PAK1: variants seen among roughly 807,000 people sequenced by gnomAD.
PAK1 encodes the protein p21 (RAC1) activated kinase 1, also known as serine/threonine-protein kinase PAK 1.
In PAK1, 29 loss-of-function variants were observed where a neutral mutation model predicts 67.4. The observed-to-expected ratio is 0.43, with a 90% confidence interval of 0.32 to 0.59. The LOEUF is 0.59. Among genes scored for constraint, PAK1 ranks in the 20% least tolerant of loss-of-function variants. The pLI, the probability that PAK1 is intolerant of heterozygous loss-of-function variation, is 0.07. For synonymous variants in PAK1, 223 were observed against 237.4 expected, an observed-to-expected ratio of 0.94 and a Z score of 0.56; for missense variants, 337 against 670.7, an observed-to-expected ratio of 0.50 and a Z score of 5.50.
At chr11:77,396,538 G>A (rs1259567053) in intron 1 of PAK1, among the ~76,000 whole-genome samples, 1 of 152,154 alleles carries the variant, frequency 6.6e-6, no homozygotes, top group Non-Finnish European at 1.5e-5. Context: ...AATCAATAAA[G>A]ATTTGTTGAA....
chr11:77,438,323 C>T (rs913944972), intron 1 of PAK1, among the ~76,000 whole-genome samples: 2 of 152,130 alleles, frequency 1.3e-5, no homozygotes, highest in African/African-American at 4.8e-5. Flanking sequence ...AGTGCTAAAC[C>T]ATTCATGAGA....
At chr11:77,460,696 A>C (rs974792957) in intron 1 of PAK1, among the ~76,000 whole-genome samples, 3 of 152,176 alleles carry the variant, frequency 2.0e-5, no homozygotes, top group African/African-American at 7.2e-5. Flanking sequence ...AACAATCTAA[A>C]AACATGTGGA....
At chr11:77,399,058 C>A (rs1952231677) in intron 1 of PAK1, among the ~76,000 whole-genome samples, 4 of 152,194 alleles carry the variant, frequency 2.6e-5, no homozygotes, top group Admixed American at 2.0e-4. Flanking sequence ...CCTTTTGCTG[C>A]AGTTGCAGGC....
intron 9 of PAK1, 35 bp downstream of exon 9, chr11:77,349,204 A>T (rs1944885705): frequency 6.7e-7 from 1 of 1,496,142 alleles, no homozygotes; most frequent in African/African-American, 1.4e-5. Flanking sequence ...AAAGAAACAG[A>T]ACTAAAGGAG....
the PAK1 span, among the ~76,000 whole-genome samples, chr11:77,522,725 T>C: frequency 1.3e-5 from 2 of 152,208 alleles, no homozygotes; most frequent in Non-Finnish European, 2.9e-5. Flanking sequence ...ACTGGACATA[T>C]ATCCAAAGGA....
At chr11:77,373,562 T>TAAAAA (rs34413403) in intron 5 of PAK1, among the ~76,000 whole-genome samples, 1 of 120,774 alleles carries the variant, frequency 8.3e-6, no homozygotes. Flanking sequence ...CTCGTCTCTT[T>TAAAAA]AAAAAAAAAA....
upstream of PAK1, among the ~76,000 whole-genome samples, chr11:77,477,885 T>C (rs1377203066): frequency 1.3e-5 from 2 of 152,176 alleles, no homozygotes; most frequent in Non-Finnish European, 2.9e-5. Flanking sequence ...ATCATGCCAC[T>C]GCACTCCAGC....
the PAK1 span, among the ~76,000 whole-genome samples, chr11:77,518,577 G>C: frequency 6.6e-6 from 1 of 152,094 alleles, no homozygotes; most frequent in African/African-American, 2.4e-5. Flanking sequence ...GATTTGCTGA[G>C]GTGCCACCTC....
intron 4 of PAK1, 76 bp from the exon 5 acceptor site, chr11:77,374,441 A>G (rs1471084428): frequency 4.3e-6 from 4 of 923,608 alleles, no homozygotes; most frequent in Non-Finnish European, 7.1e-6. Context: ...AAAGAAGTCT[A>G]TCTGGTCAAG....
intron 10 of PAK1, among the ~76,000 whole-genome samples, chr11:77,342,457 T>C (rs1284488141): frequency 6.6e-6 from 1 of 152,170 alleles, no homozygotes; most frequent in Non-Finnish European, 1.5e-5. Flanking sequence ...AGACAGGCCA[T>C]ACCCTTACTG....
the PAK1 span, among the ~76,000 whole-genome samples, chr11:77,507,803 C>T: frequency 8.5e-5 from 13 of 152,280 alleles, no homozygotes; most frequent in South Asian, 2.1e-4. Context: ...TGGGATTACA[C>T]GCATGAGCCA....
In PAK1 at chr11:77,359,881, A is replaced by G. The variant is rs114580562; in HGVS notation, c.478-864T>C. On this transcript the variant is annotated intron_variant, in intron 5 of 14. Coordinates refer to ENST00000356341, the MANE Select transcript of PAK1 (RefSeq NM_002576.5). ...GATTCTATCATTTGATCAGCAAAGA[A>G]CTGGAGAGGCAATGGGGATCTTTTA... 5.3e-3 allele frequency among the ~76,000 whole-genome samples: 810 copies of G among 152,286 alleles called. 9 individuals carry two copies. Among genetic ancestry groups the G allele is most frequent in the African/African-American group, 0.018 (761 of 41,562 alleles).
chr11:77,335,129 T>A (rs189493231), intron 13 of PAK1, among the ~76,000 whole-genome samples: 1 of 152,218 alleles, frequency 6.6e-6, no homozygotes. Flanking sequence ...TTGGTCTACT[T>A]TGCTAGTTCT....
intron 1 of PAK1, among the ~76,000 whole-genome samples, chr11:77,395,128 T>G (rs1056236708): frequency 6.6e-6 from 1 of 152,238 alleles, no homozygotes; most frequent in African/African-American, 2.4e-5. Flanking sequence ...CACTCATCCT[T>G]CAAGGCTTAA....
At chr11:77,349,910 C>T (rs1488672566) in intron 8 of PAK1, among the ~76,000 whole-genome samples, 1 of 152,042 alleles carries the variant, frequency 6.6e-6, no homozygotes, top group Admixed American at 6.6e-5. Context: ...TATGGACTTC[C>T]AGGGTGTCGG....
At chr11:77,344,240 A>G (rs1432248516) in intron 9 of PAK1, among the ~76,000 whole-genome samples, 1 of 152,240 alleles carries the variant, frequency 6.6e-6, no homozygotes, top group Non-Finnish European at 1.5e-5. Context: ...TTCAGAATCA[A>G]ACTTTGGTGT....
At chr11:77,459,986 G>A (rs575265229) in intron 1 of PAK1, among the ~76,000 whole-genome samples, 103 of 152,118 alleles carry the variant, frequency 6.8e-4, no homozygotes, top group African/African-American at 2.4e-3. Context: ...GTGAGCCACC[G>A]CGCCCGGCGT....
chr11:77,368,791 G>C (rs1947971289), intron 5 of PAK1, among the ~76,000 whole-genome samples: 1 of 152,186 alleles, frequency 6.6e-6, no homozygotes, highest in South Asian at 2.1e-4. Context: ...TGAGTAGCTG[G>C]GATTACAGGC....
chr11:77,322,613 C>T lies in PAK1; in HGVS notation c.*661G>A. On this transcript the variant is annotated 3_prime_UTR_variant, in exon 15 of 15. Transcript: ENST00000356341. ...GTATGCAGGGAATCAAAAGCTGCTACATAGCCGAGAGCATTTCACAAGAAA... is the reference window on the plus strand; with the variant it reads ...GTATGCAGGGAATCAAAAGCTGCTATATAGCCGAGAGCATTTCACAAGAAA... The T allele has an allele frequency of 4.7e-6, 1 of 212,766 alleles. No individual in the cohort carries two copies. The highest frequency in any genetic ancestry group is 7.5e-5 in the East Asian group (1 of 13,340). 13.2% of individuals were successfully genotyped at this position (212,766 alleles called of 1,614,324 possible). A position where few individuals can be genotyped will look rare whatever the true frequency, so the allele number is the denominator to read the frequency against.
Sources: allele counts gnomAD v4.1 joint callset (sites outside exome capture counted in the v4.1 genomes callset), GRCh38; gene constraint gnomAD v4.1.1; transcripts MANE v1.5; gene names NCBI Gene and HGNC (gene_info 2026-07-23, HGNC 2026-07-21).